STK39: variants seen among roughly 807,000 people sequenced by gnomAD.
STK39 encodes STE20/SPS1-related proline-alanine-rich protein kinase.
Under a neutral mutation model 77.8 loss-of-function variants are expected in STK39, and 20 were observed. The observed-to-expected ratio is 0.26, with a 90% confidence interval of 0.18 to 0.37. STK39 has a LOEUF of 0.37. Among genes scored for constraint, STK39 ranks in the 10% least tolerant of loss-of-function variants. The pLI is 1.00. For synonymous variants in STK39, 246 were observed against 234.1 expected, an observed-to-expected ratio of 1.05 and a Z score of -0.47; for missense variants, 479 against 656.5, an observed-to-expected ratio of 0.73 and a Z score of 2.95.
chr2:168,070,150 G>A (rs149988880), intron 12 of STK39, among the ~76,000 whole-genome samples: 1 of 152,172 alleles, frequency 6.6e-6, no homozygotes, highest in African/African-American at 2.4e-5. Context: ...CACTACCTAA[G>A]GAAACTGTCC....
rs143527792 is a variant in STK39 at position 168,039,217 on chromosome 2, T to G, written c.1377-22122A>C. On this transcript the variant is annotated intron_variant, in intron 14 of 17. Coordinates refer to ENST00000355999, the MANE Select transcript of STK39 (RefSeq NM_013233.3). ...CAAAGGGAATGCAACAAAATAGATCTCAAAATAGCTGAGTGAAAGAAGATG... is the reference window on the plus strand; with the variant it reads ...CAAAGGGAATGCAACAAAATAGATCGCAAAATAGCTGAGTGAAAGAAGATG... Among the ~76,000 whole-genome samples, 1,239 of 152,136 alleles carry G rather than the reference T, an allele frequency of 8.1e-3. 16 individuals carry two copies. The highest frequency in any genetic ancestry group is 0.027 in the African/African-American group (1,137 of 41,486).
At chr2:168,219,644 C>T (rs1453924176) in intron 1 of STK39, among the ~76,000 whole-genome samples, 1 of 152,136 alleles carries the variant, frequency 6.6e-6, no homozygotes, top group Non-Finnish European at 1.5e-5. Context: ...CTGGGGCAAG[C>T]AAGCACTCCT....
Position 168,017,023 on chromosome 2 carries a change from T to C in STK39, c.1429+20A>G, listed in dbSNP as rs1351452174. 6.3e-7 allele frequency: 1 copy of C among 1,583,256 alleles called. No individual in the cohort carries two copies. Among genetic ancestry groups the C allele is most frequent in the East Asian group, 2.3e-5 (1 of 44,418 alleles). Reference sequence around the variant, plus strand: ...AATGCTCTTTGAGGCAATAAAATAATAACTTCAATTAAAACTTACCTCTTC... The same window carrying C: ...AATGCTCTTTGAGGCAATAAAATAACAACTTCAATTAAAACTTACCTCTTC... On this transcript the variant is annotated intron_variant, in intron 15 of 17. Coordinates refer to ENST00000355999, the MANE Select transcript of STK39 (RefSeq NM_013233.3).
At chr2:168,181,957 A>G (rs1276983731) in intron 2 of STK39, 21 bp downstream of exon 2, 2 of 1,599,460 alleles carry the variant, frequency 1.3e-6, no homozygotes, top group African/African-American at 1.3e-5. Context: ...ACCAGCAGGT[A>G]TTCCCTGCAC....
intron 5 of STK39, among the ~76,000 whole-genome samples, chr2:168,158,140 A>C (rs921461540): frequency 3.9e-5 from 6 of 152,214 alleles, no homozygotes; most frequent in Non-Finnish European, 7.3e-5. Context: ...ACTTTCGAGT[A>C]GCCACTCCCC....
chr2:168,013,705 G>GGTTTGTGA (rs1305365126), intron 15 of STK39, among the ~76,000 whole-genome samples: 1 of 152,106 alleles, frequency 6.6e-6, no homozygotes, highest in African/African-American at 2.4e-5. Flanking sequence ...ACGAAATTGC[G>GGTTTGTGA]GTTTGTGACA....
intron 12 of STK39, among the ~76,000 whole-genome samples, chr2:168,072,428 T>G (rs558825268): frequency 4.6e-5 from 7 of 152,192 alleles, no homozygotes; most frequent in African/African-American, 1.7e-4. Context: ...CATCTAAAAT[T>G]ACAACTTCCC....
At chr2:168,087,462 A>T (rs1686398856) in intron 10 of STK39, among the ~76,000 whole-genome samples, 1 of 152,252 alleles carries the variant, frequency 6.6e-6, no homozygotes, top group South Asian at 2.1e-4. Context: ...AAGGGAAATT[A>T]TCCTTGATAA....
intron 1 of STK39, among the ~76,000 whole-genome samples, chr2:168,216,530 A>G (rs1690028732): frequency 1.3e-5 from 2 of 152,204 alleles, no homozygotes; most frequent in African/African-American, 4.8e-5. Context: ...TCTCCTTGGC[A>G]TTCCTGCAGG....
chr2:167,998,925 G>A (rs1683922330), intron 16 of STK39, among the ~76,000 whole-genome samples: 1 of 152,214 alleles, frequency 6.6e-6, no homozygotes, highest in Non-Finnish European at 1.5e-5. Context: ...CGCGTCTGAA[G>A]GAAAGCATTT....
At chr2:167,990,386 TACAA>T (rs1274328056) in intron 16 of STK39, among the ~76,000 whole-genome samples, 2 of 152,222 alleles carry the variant, frequency 1.3e-5, no homozygotes, top group African/African-American at 4.8e-5. Flanking sequence ...CAGTGTGCTG[TACAA>T]ACAGATATCC....
chr2:168,240,200 C>T (rs1690724968), intron 1 of STK39, among the ~76,000 whole-genome samples: 1 of 152,108 alleles, frequency 6.6e-6, no homozygotes, highest in Non-Finnish European at 1.5e-5. Context: ...TGTCCTGAGA[C>T]TGGAAATTAC....
intron 16 of STK39, among the ~76,000 whole-genome samples, chr2:167,968,159 A>G (rs1692213187): frequency 6.6e-6 from 1 of 152,174 alleles, no homozygotes; most frequent in African/African-American, 2.4e-5. Context: ...CGTGCTGTAT[A>G]TGTACCACAT....
intron 1 of STK39, among the ~76,000 whole-genome samples, chr2:168,243,651 T>C (rs540954266): frequency 3.4e-4 from 52 of 152,280 alleles, no homozygotes; most frequent in African/African-American, 1.1e-3. Context: ...GATAACAACA[T>C]TGCTGGAATC....
rs184176044 is a variant in STK39, at chr2:167,998,739, T to C, written c.1498+13895A>G. 1.8e-4 allele frequency among the ~76,000 whole-genome samples: 27 copies of C among 152,320 alleles called. No individual in the cohort carries two copies. The East Asian group carries it at 5.0e-3, about 28-fold the overall frequency. On this transcript the variant is annotated intron_variant, in intron 16 of 17. Coordinates refer to ENST00000355999, the MANE Select transcript of STK39 (RefSeq NM_013233.3). ...CTGCAGTCCTCCTGGCCCCCAAACA[T>C]TAAATTACAAATCGCTTTTCAATGT...
At chr2:168,240,927 A>C (rs1690742770) in intron 1 of STK39, among the ~76,000 whole-genome samples, 1 of 152,212 alleles carries the variant, frequency 6.6e-6, no homozygotes, top group South Asian at 2.1e-4. Context: ...CAGAGAGCAG[A>C]GAAAAGGACT....
chr2:168,079,867 G>A (rs1686180925), intron 10 of STK39, among the ~76,000 whole-genome samples: 1 of 152,178 alleles, frequency 6.6e-6, no homozygotes, highest in Non-Finnish European at 1.5e-5. Context: ...TAGCTTGTGA[G>A]CTGAGAATGA....
At chr2:168,129,878 T>G (rs1002158608) in intron 8 of STK39, 120 bp from the exon 9 acceptor site, 3 of 1,068,222 alleles carry the variant, frequency 2.8e-6, no homozygotes, top group African/African-American at 1.6e-5. Flanking sequence ...ATAGCAAAAC[T>G]GGGAACCAAA....
intron 1 of STK39, among the ~76,000 whole-genome samples, chr2:168,211,730 A>C (rs1689896257): frequency 6.6e-6 from 1 of 152,218 alleles, no homozygotes; most frequent in South Asian, 2.1e-4. Context: ...AATCTGTACT[A>C]GTCACTGTGC....
Sources: gnomAD v4.1 joint callset for allele counts (sites outside exome capture counted in the v4.1 genomes callset) on GRCh38, gnomAD v4.1.1 for gene constraint, MANE v1.5 for transcripts, NCBI Gene and HGNC (gene_info 2026-07-23, HGNC 2026-07-21) for gene names.